DOCK8: variants seen among roughly 807,000 people sequenced by gnomAD.
DOCK8 encodes the protein dedicator of cytokinesis protein 8.
In DOCK8, 141 loss-of-function variants were observed where a neutral mutation model predicts 245.6. That is an observed-to-expected ratio of 0.57 (90% CI 0.50 to 0.66). The LOEUF (loss-of-function observed/expected upper bound fraction) is 0.66. Among genes scored for constraint, DOCK8 ranks in the 30% least tolerant of loss-of-function variants. DOCK8 has a pLI of 0.00. For missense variants in DOCK8, 2,965 were observed against 2,603.4 expected, an observed-to-expected ratio of 1.14 and a Z score of -3.02; for synonymous variants, 1,168 against 970.2, an observed-to-expected ratio of 1.20 and a Z score of -3.79.
At chr9:213,004 T>C (rs1399789153), upstream of DOCK8, 1 of 152,242 alleles carries the variant, frequency 6.6e-6, no homozygotes, top group African/African-American at 2.4e-5. Flanking sequence ...AGTCTCAGTT[T>C]GAAGAAGTAC....
chr9:437,482 G>A (rs1392413521), intron 39 of DOCK8, among the ~76,000 whole-genome samples: 2 of 152,208 alleles, frequency 1.3e-5, no homozygotes, highest in African/African-American at 4.8e-5. Context: ...GAAATGGAGT[G>A]CTCTGATTTA....
At chr9:443,299 G>A (rs2057150142) in intron 42 of DOCK8, 128 bp from the exon 43 acceptor site, 3 of 901,854 alleles carry the variant, frequency 3.3e-6, no homozygotes, top group East Asian at 4.9e-5. Flanking sequence ...TTAGCTCAGA[G>A]GAACTCTCAA....
At chr9:346,959 A>T (rs1388278064) in intron 14 of DOCK8, among the ~76,000 whole-genome samples, 22 of 152,146 alleles carry the variant, frequency 1.4e-4, no homozygotes, top group Admixed American at 1.4e-3. Flanking sequence ...TCATCCAAGG[A>T]AATAGGTTCC....
chr9:315,349 G>C lies in DOCK8; in HGVS notation c.742-1694G>C, dbSNP rs185192427. On this transcript the variant is annotated intron_variant, in intron 6 of 47. Coordinates refer to ENST00000432829, the MANE Select transcript of DOCK8 (RefSeq NM_203447.4). ...TGCTTGGGAATTAGTTGCCATTTCA[G>C]TTAGCTATAAAGCCTGAGGAAATTC... is the stretch of plus-strand genomic sequence containing the variant. Among the ~76,000 whole-genome samples the C allele has an allele frequency of 3.0e-3, 460 of 152,214 alleles. 2 individuals are homozygous for C. In the Middle Eastern group the frequency reaches 0.034, roughly 11 times the overall value.
rs139980476 is a variant in DOCK8, at chr9:450,618, C to T, written c.5961+691C>T. ...CAGTTATTCAGTGAGCATCATGAGT[C>T]TTTTCTCATTCAGCGTAATTGGATT... On this transcript the variant is annotated intron_variant, in intron 45 of 47. Transcript: ENST00000432829. 2.3e-3 allele frequency among the ~76,000 whole-genome samples: 351 copies of T among 152,148 alleles called. 1 individual carries two copies. Among genetic ancestry groups the T allele is most frequent in the African/African-American group, 7.8e-3 (324 of 41,510 alleles).
chr9:344,474 C>A (rs2051772046), intron 14 of DOCK8, among the ~76,000 whole-genome samples: 2 of 152,134 alleles, frequency 1.3e-5, no homozygotes, highest in South Asian at 4.2e-4. Flanking sequence ...GCACCTCCCC[C>A]CATTCACGAC....
chr9:406,969 G>T lies in DOCK8; in HGVS notation c.3430G>T (p.Ala1144Ser). ...SCSSFQDQKI[A>S]SMFDLTSEYR... ...CTCCAGCTTCCAGGACCAGAAGATC[G>T]CCAGCATGTTCGATCTGACTTCCGA... Residue 1144 changes from alanine to serine, a missense_variant, in exon 28 of 48, where the codon GCC becomes TCC. Ala to Ser is a moderately conservative substitution (Grantham distance 99, BLOSUM62 1). Transcript: ENST00000432829. The T allele has an allele frequency of 6.2e-7, 1 of 1,614,054 alleles. No homozygotes were observed. Among genetic ancestry groups the T allele is most frequent in the South Asian group, 1.1e-5 (1 of 91,070 alleles).
chr9:418,922 G>A (rs893890383), intron 30 of DOCK8, among the ~76,000 whole-genome samples: 16 of 151,664 alleles, frequency 1.1e-4, no homozygotes, highest in South Asian at 4.1e-4. Flanking sequence ...GTAGCTTAGC[G>A]TAAGGGCTTC....
intron 8 of DOCK8, among the ~76,000 whole-genome samples, chr9:327,372 A>G (rs945624392): frequency 6.8e-5 from 10 of 146,150 alleles, no homozygotes; most frequent in Non-Finnish European, 1.5e-4. Context: ...AGTTAGTTAC[A>G]TGTTTACCTT....
At chr9:263,750 T>G (rs915231921) in intron 1 of DOCK8, among the ~76,000 whole-genome samples, 1 of 152,260 alleles carries the variant, frequency 6.6e-6, no homozygotes, top group Non-Finnish European at 1.5e-5. Flanking sequence ...GTTATTTTAT[T>G]TCAGCACTTT....
chr9:352,535 A>C (rs1471695444), intron 14 of DOCK8, among the ~76,000 whole-genome samples: 1 of 152,016 alleles, frequency 6.6e-6, no homozygotes, highest in Admixed American at 6.6e-5. Context: ...CAAGGTCAGG[A>C]GTTTGAAACC....
chr9:409,189 A>G (rs954219656), intron 28 of DOCK8, among the ~76,000 whole-genome samples: 4 of 152,122 alleles, frequency 2.6e-5, no homozygotes, highest in Non-Finnish European at 5.9e-5. Flanking sequence ...AGAAGGACGC[A>G]TCTCAGTACC....
chr9:432,065 A>T lies in DOCK8; in HGVS notation c.4627-101A>T, dbSNP rs112439081. On this transcript the variant is annotated intron_variant, in intron 36 of 47. Coordinates refer to ENST00000432829, the MANE Select transcript of DOCK8 (RefSeq NM_203447.4). ...GAAATAATTAAGACGGGGCAAAGGA[A>T]ACACTGAGGAGTTGTTTGTGTCTGG... 8 of 1,217,452 alleles carry T rather than the reference A, an allele frequency of 6.6e-6. No individual in the cohort carries two copies. The African/African-American group carries it at 9.0e-5, about 14-fold the overall frequency. The allele number at this position is 1,217,452 out of a possible 1,614,324, so 75.4% of individuals were successfully genotyped here.
chr9:399,931 C>G (rs2131423720), intron 26 of DOCK8, among the ~76,000 whole-genome samples: 1 of 151,500 alleles, frequency 6.6e-6, no homozygotes, highest in Non-Finnish European at 1.5e-5. Flanking sequence ...CCACCAGCCA[C>G]CACCATTCTC....
chr9:401,001 C>CCTCCTTCACCATCACCAT lies in DOCK8; in HGVS notation c.3234+1743_3234+1744insTCCTTCACCATCACCATC, dbSNP rs1564017232. On this transcript the variant is annotated intron_variant, in intron 26 of 47. Coordinates refer to ENST00000432829, the MANE Select transcript of DOCK8 (RefSeq NM_203447.4). Reference sequence around the variant, plus strand: ...ATCACCACCTCCTCCACCACCACCACCATTAGCTCCACCATGACCACCTCC... The same window carrying CCTCCTTCACCATCACCAT: ...ATCACCACCTCCTCCACCACCACCACCTCCTTCACCATCACCATCATTAGCTCCACCATGACCACCTCC... Among the ~76,000 whole-genome samples the CCTCCTTCACCATCACCAT allele has an allele frequency of 1.4e-5, 2 of 143,244 alleles. 1 individual carries two copies. Among genetic ancestry groups the CCTCCTTCACCATCACCAT allele is most frequent in the Non-Finnish European group, 3.1e-5 (2 of 64,614 alleles). 94.0% of individuals were successfully genotyped at this position (143,244 alleles called of 152,430 possible). A position where few individuals can be genotyped will look rare whatever the true frequency, so the allele number is the denominator to read the frequency against.
At chr9:271,530 G>A (rs777532526) in intron 1 of DOCK8, 97 bp from the exon 2 acceptor site, 29 of 959,254 alleles carry the variant, frequency 3.0e-5, no homozygotes, top group Admixed American at 6.2e-5. Context: ...CCCAGCCAAG[G>A]CCTACGTTTT....
chr9:425,329 G>A (rs2056441132), intron 33 of DOCK8, among the ~76,000 whole-genome samples: 2 of 152,038 alleles, frequency 1.3e-5, no homozygotes, highest in African/African-American at 2.4e-5. Context: ...TCAGGAGATC[G>A]AGACCATCCT....
chr9:426,370 T>C (rs1453865361), intron 33 of DOCK8, among the ~76,000 whole-genome samples: 8 of 152,172 alleles, frequency 5.3e-5, no homozygotes, highest in East Asian at 1.9e-4. Flanking sequence ...AGGTGATCTT[T>C]GGGAAGTTAA....
At chr9:308,335 T>C (rs1321280882) in intron 5 of DOCK8, among the ~76,000 whole-genome samples, 1 of 152,242 alleles carries the variant, frequency 6.6e-6, no homozygotes, top group Non-Finnish European at 1.5e-5. Context: ...ACAACTATTA[T>C]GTGTCTATTA....
Sources: allele counts gnomAD v4.1 joint callset (sites outside exome capture counted in the v4.1 genomes callset), GRCh38; gene constraint gnomAD v4.1.1; transcripts MANE v1.5; gene names NCBI Gene and HGNC (gene_info 2026-07-23, HGNC 2026-07-21).